The following TRRAP variants were observed in gnomAD, a reference collection of about 807,000 sequenced individuals.
TRRAP encodes the protein transformation/transcription domain-associated protein.
Under a neutral mutation model 438.8 loss-of-function variants are expected in TRRAP, and 41 were observed. The observed-to-expected ratio is 0.09, with a 90% CI of 0.07 to 0.12. TRRAP has a LOEUF of 0.12. Among genes scored for constraint, TRRAP ranks in the 10% least tolerant of loss-of-function variants. The probability of loss-of-function intolerance (pLI) is 1.00; values close to 1 mark genes in which losing one functional copy is unlikely to be tolerated. For missense variants in TRRAP, 3,122 were observed against 5,055.1 expected (o/e 0.62, Z 11.60); for synonymous variants, 1,994 against 1,962.9 (o/e 1.02, Z -0.42).
chr7:99,004,455 G>A (rs558263102), intron 68 of TRRAP, 40 bp downstream of exon 68: 15 of 1,578,120 alleles, frequency 9.5e-6, no homozygotes, highest in East Asian at 2.2e-5. Context: ...AACCCACGGC[G>A]CCCATGGACA....
At chr7:98,938,580 G>A (rs1790660579) in intron 30 of TRRAP, among the ~76,000 whole-genome samples, 1 of 152,006 alleles carries the variant, frequency 6.6e-6, no homozygotes, top group African/African-American at 2.4e-5. Context: ...CACAGTCCTT[G>A]CTTTTCCCAT....
At position 98,967,517 on chromosome 7, in the gene TRRAP, C is replaced by T. The variant is rs774168977; in HGVS notation, c.7331C>T (p.Ala2444Val). 11 of 1,613,940 alleles carry T rather than the reference C, an allele frequency of 6.8e-6. No homozygotes were observed. In the Admixed American group the frequency reaches 8.3e-5, roughly 12 times the overall value. ...DETLSGSELT[A>V]KLEPAFLSGL... is the part of the protein sequence containing the mutation. Reference sequence around the variant, plus strand: ...ACCCTCTCTGGCAGCGAGCTGACGGCGAAACTTGAGCCTGCCTTTCTCTCT... The same window carrying T: ...ACCCTCTCTGGCAGCGAGCTGACGGTGAAACTTGAGCCTGCCTTTCTCTCT... Residue 2444 changes from alanine to valine, a missense_variant, in exon 51 of 73, where the codon GCG becomes GTG. By Grantham distance (64) the Ala-to-Val change is moderately conservative. This residue lies in a region of TRRAP where 992 missense variants were observed against 1,281.2 expected (regional missense o/e 0.77). Transcript: ENST00000456197.
At chr7:98,896,206 T>C (rs1796194709) in intron 7 of TRRAP, among the ~76,000 whole-genome samples, 2 of 152,080 alleles carry the variant, frequency 1.3e-5, no homozygotes, top group African/African-American at 4.8e-5. Flanking sequence ...AGGTGGTGTA[T>C]ATTTTCAGTT....
At chr7:99,008,117 T>C (rs748789346) in intron 69 of TRRAP, among the ~76,000 whole-genome samples, 7 of 152,188 alleles carry the variant, frequency 4.6e-5, no homozygotes, top group Non-Finnish European at 7.3e-5. Context: ...AGCCACTGTG[T>C]CCGGCCAAGA....
chr7:98,989,275 C>T (rs777233723), intron 63 of TRRAP, among the ~76,000 whole-genome samples: 3 of 152,248 alleles, frequency 2.0e-5, no homozygotes, highest in Non-Finnish European at 4.4e-5. Context: ...GCTAGAACTT[C>T]CCTCCTAGAC....
At chr7:98,900,172 G>A (rs895383524) in intron 10 of TRRAP, among the ~76,000 whole-genome samples, 3 of 151,870 alleles carry the variant, frequency 2.0e-5, no homozygotes, top group Admixed American at 6.6e-5. Context: ...GAAGCCTCTC[G>A]GTGAAGCCTT....
chr7:98,917,427 G>T lies in TRRAP; in HGVS notation c.2370G>T (p.Leu790=). 1 of 1,614,056 alleles carries T rather than the reference G, an allele frequency of 6.2e-7. No homozygotes were observed. Among genetic ancestry groups the T allele is most frequent in the South Asian group, 1.1e-5 (1 of 91,072 alleles). The change falls in exon 20 of 73, where the codon CTG becomes CTT. Residue 790 remains leucine, a synonymous_variant. Transcript: ENST00000456197. Reference sequence around the variant, plus strand: ...TAGCTGCACCCCCTTCCCTAGGGCTGAACATGCTTCAGAGTGGCCTGCACA... The same window carrying T: ...TAGCTGCACCCCCTTCCCTAGGGCTTAACATGCTTCAGAGTGGCCTGCACA... ...LPLLPNLLQG[L]NMLQSGLHKQ...
In TRRAP at chr7:98,972,605, G is replaced by A. The variant is rs1203617682; in HGVS notation, c.7839+660G>A. On this transcript the variant is annotated intron_variant, in intron 53 of 72. Transcript: ENST00000456197. ...ACTCTCTGGCTTCTGCAAACTCTCA[G>A]GTAAATTATAAGTCTGTTTTTATGT... Among the ~76,000 whole-genome samples the A allele has an allele frequency of 2.6e-5, 4 of 152,316 alleles. No homozygotes were observed. In the East Asian group the frequency reaches 5.8e-4, roughly 22 times the overall value.
rs200803559 is a variant in TRRAP at position 98,893,819 on chromosome 7, C to A, written c.388C>A (p.Leu130Ile). The change falls in exon 6 of 73, where the codon CTT becomes ATT. Residue 130 changes from leucine to isoleucine, a missense_variant. Transcript: ENST00000456197. ...FLETENEENV[L>I]ICLRIIIELH... is the part of the protein sequence containing the mutation. ...TTAGACGGAAAATGAAGAAAATGTT[C>A]TTATTTGTCTAAGAATAATTATTGA... The A allele has an allele frequency of 4.8e-5, 77 of 1,613,118 alleles. No individual in the cohort carries two copies. Among genetic ancestry groups the A allele is most frequent in the Non-Finnish European group, 6.4e-5 (76 of 1,179,646 alleles).
At position 98,948,800 on chromosome 7, in the gene TRRAP, G is replaced by C; in HGVS notation, c.4788+115G>C. 1.3e-6 allele frequency: 2 copies of C among 1,512,876 alleles called. No homozygotes were observed. Among genetic ancestry groups the C allele is most frequent in the East Asian group, 2.3e-5 (1 of 42,982 alleles). The allele number at this position is 1,512,876 out of a possible 1,614,324, so 93.7% of individuals were successfully genotyped here. A position where few individuals can be genotyped will look rare whatever the true frequency, so the allele number is the denominator to read the frequency against. ...CAGTGTCCTGGCTGCTTTTTTTTCA[G>C]ATCCATTTGAATATTGGAAACAGCA... On this transcript the variant is annotated intron_variant, in intron 35 of 72. Transcript: ENST00000456197. The surrounding 1 kb of genome is among the most constrained non-coding windows in gnomAD (Gnocchi z 4.9).
Position 98,994,712 on chromosome 7 carries a change from G to C in TRRAP, c.10173G>C (p.Thr3391=), listed in dbSNP as rs56282945. ...ATTTTGTGAAGAAGTTGGTGAGCAC[G>C]TTTGGGGTGGGCCTGGAGAATGTGT... ...TLNFVKKLVS[T]FGVGLENVSN... is the part of the protein sequence containing the mutation. Residue 3391 remains threonine, a synonymous_variant, in exon 67 of 73, where the codon ACG becomes ACC. Transcript: ENST00000456197. The surrounding 1 kb of genome is among the most constrained non-coding windows in gnomAD (Gnocchi z 4.8). 1 of 1,614,230 alleles carries C rather than the reference G, an allele frequency of 6.2e-7. No homozygotes were observed. Among genetic ancestry groups the C allele is most frequent in the Admixed American group, 1.7e-5 (1 of 60,030 alleles).
At chr7:98,947,959 G>A (rs782406393) in intron 33 of TRRAP, among the ~76,000 whole-genome samples, 3 of 152,170 alleles carry the variant, frequency 2.0e-5, no homozygotes, top group Non-Finnish European at 2.9e-5. Context: ...CAAACAGCAC[G>A]ATCACATCGG....
In TRRAP at chr7:98,997,585, G is replaced by T. The variant is rs547309177; in HGVS notation, c.10309+2737G>T. Among the ~76,000 whole-genome samples, 3 of 150,160 alleles carry T rather than the reference G, an allele frequency of 2.0e-5. No individual in the cohort carries two copies. In the South Asian group the frequency reaches 6.3e-4, roughly 31 times the overall value. On this transcript the variant is annotated intron_variant, in intron 67 of 72. Coordinates refer to ENST00000456197, the MANE Select transcript of TRRAP (RefSeq NM_001375524.1). ...AAAAGAATTCAGAAAGTTAAGAGTG[G>T]AACTACAGTGGTATAGACAGGCTCA...
Position 98,886,426 on chromosome 7 carries a change from C to T in TRRAP, c.151-3909C>T, listed in dbSNP as rs1381991162. On this transcript the variant is annotated intron_variant, in intron 3 of 72. Transcript: ENST00000456197. ...TAGATATCTAGAGAGATATGGATAT[C>T]TAGAGAGATATAGATATCTAGATAG... Among the ~76,000 whole-genome samples the T allele has an allele frequency of 3.6e-5, 5 of 138,878 alleles. No homozygotes were observed. In the East Asian group the frequency reaches 1.1e-3, roughly 30 times the overall value. 91.1% of individuals were successfully genotyped at this position (138,878 alleles called of 152,430 possible).
At chr7:98,950,796 A>G in intron 38 of TRRAP, 80 bp from the exon 39 acceptor site, 1 of 1,449,412 alleles carries the variant, frequency 6.9e-7, no homozygotes, top group Non-Finnish European at 9.1e-7. Context: ...GCTAAGGCCA[A>G]GACTAGCTGT....
At chr7:98,879,285 C>A (rs981033543) in intron 1 of TRRAP, among the ~76,000 whole-genome samples, 3 of 152,228 alleles carry the variant, frequency 2.0e-5, no homozygotes, top group Non-Finnish European at 4.4e-5. Flanking sequence ...GCCAGGGCCC[C>A]CCAGGCTCCG....
In TRRAP at chr7:98,897,786, C is replaced by T. The variant is rs1554406009; in HGVS notation, c.553C>T (p.Pro185Ser). ...TCAAGTGATCCCCGAGAACACAGTG[C>T]CTCCCCCAGAAATGGTTGGTATGAT... ...NPQVIPENTV[P>S]PPEMVGMITT... is the part of the protein sequence containing the mutation. Residue 185 changes from proline (P) to serine (S), a missense_variant, in exon 8 of 73, where the codon CCT becomes TCT. Physicochemically the swap from Pro to Ser is moderately conservative, Grantham distance 74. Around this residue, in one of 24 missense-constraint regions of TRRAP, gnomAD observed 343 missense variants for 564.0 expected, o/e 0.61. Coordinates refer to ENST00000456197, the MANE Select transcript of TRRAP (RefSeq NM_001375524.1). 1 of 1,613,678 alleles carries T rather than the reference C, an allele frequency of 6.2e-7. No individual in the cohort carries two copies. Among genetic ancestry groups the T allele is most frequent in the African/African-American group, 1.3e-5 (1 of 74,822 alleles).
At chr7:98,982,076 T>G (rs1792955571) in intron 59 of TRRAP, 116 bp downstream of exon 59, 1 of 1,058,554 alleles carries the variant, frequency 9.4e-7, no homozygotes, top group African/African-American at 1.7e-5. Flanking sequence ...TCCTTCTGCT[T>G]GTCTTGTCCT....
At chr7:98,957,222 C>A (rs1554420063) in intron 43 of TRRAP, among the ~76,000 whole-genome samples, 1 of 152,190 alleles carries the variant, frequency 6.6e-6, no homozygotes, top group Non-Finnish European at 1.5e-5. Context: ...TCTCTGTCAC[C>A]CCTCGAAGTA....
Sources: allele counts gnomAD v4.1 joint callset (sites outside exome capture counted in the v4.1 genomes callset), GRCh38; gene constraint gnomAD v4.1.1; regional missense constraint gnomAD v4.1.1; non-coding constraint Gnocchi (gnomAD v3.1); transcripts MANE v1.5; gene names NCBI Gene and HGNC (gene_info 2026-07-23, HGNC 2026-07-21).